The following PTAFR variants were observed in gnomAD, a reference collection of about 807,000 sequenced individuals.
PTAFR encodes the protein platelet-activating factor receptor.
Under a neutral mutation model 14.7 loss-of-function variants are expected in PTAFR, and 8 were observed. The observed-to-expected ratio is 0.54, with a 90% CI of 0.32 to 0.98. The LOEUF (loss-of-function observed/expected upper bound fraction) is 0.98, where lower values mean the gene tolerates loss of function less well. PTAFR is among the 50% of genes least tolerant of loss of function. The pLI is 0.04. For synonymous variants in PTAFR, 156 were observed against 176.5 expected (o/e 0.88, Z 0.92); for missense variants, 337 against 451.2 (o/e 0.75, Z 2.29).
At chr1:28,178,810 G>A (rs6693548), upstream of PTAFR, among the ~76,000 whole-genome samples, 175 of 151,832 alleles carry the variant, frequency 1.2e-3, no homozygotes, top group African/African-American at 3.9e-3. Flanking sequence ...CTCCTTCCTC[G>A]AGTTCATGCG....
intron 1 of PTAFR, among the ~76,000 whole-genome samples, chr1:28,169,788 T>C (rs1646431939): frequency 6.6e-6 from 1 of 152,028 alleles, no homozygotes; most frequent in Admixed American, 6.5e-5. Flanking sequence ...TCACTTGAGG[T>C]AAGGAGTTCG....
At chr1:28,156,391 C>A (rs1358990406) in intron 1 of PTAFR, among the ~76,000 whole-genome samples, 2 of 152,158 alleles carry the variant, frequency 1.3e-5, no homozygotes, top group Non-Finnish European at 2.9e-5. Flanking sequence ...AGCCTAAGTG[C>A]AAAAGCAGAT....
rs375823102 is a variant in PTAFR, at chr1:28,157,660, CCTCT to C, written c.-38-6605_-38-6602del. Among the ~76,000 whole-genome samples, 913 of 146,324 alleles carry C rather than the reference CCTCT, an allele frequency of 6.2e-3. 9 individuals are homozygous for C. The highest frequency in any genetic ancestry group is 0.02 in the African/African-American group (771 of 39,528). Reference sequence around the variant, plus strand: ...TTTTTTTTTTTTGAGGTGGAGTCTCCCTCTGTCACCCAGGCTGGAGTGCAGTGGC... The same window carrying C: ...TTTTTTTTTTTTGAGGTGGAGTCTCCGTCACCCAGGCTGGAGTGCAGTGGC... On this transcript the variant is annotated intron_variant, in intron 1 of 1. Transcript: ENST00000373857.
chr1:28,151,304 C>T, intron 1 of PTAFR, among the ~76,000 whole-genome samples: 1 of 152,024 alleles, frequency 6.6e-6, no homozygotes, highest in African/African-American at 2.4e-5. Flanking sequence ...CTCAGCCTCC[C>T]AAGTAGCTGG....
At position 28,148,628 on chromosome 1, in the gene PTAFR, AT is replaced by A. The variant is rs1375799611; in HGVS notation, c.*1364del. On this transcript the variant is annotated 3_prime_UTR_variant, in exon 2 of 2. Coordinates refer to ENST00000373857, the MANE Select transcript of PTAFR (RefSeq NM_000952.5). ...AGGCATGCGCCACCACGCCAGGCTA[AT>A]TTTTTTGTATTTTTAGTAGAGACGG... The A allele has an allele frequency of 1.3e-5, 2 of 152,216 alleles. No individual in the cohort carries two copies. Among genetic ancestry groups the A allele is most frequent in the Non-Finnish European group, 2.9e-5 (2 of 68,114 alleles). The allele number at this position is 152,216 out of a possible 1,614,324, so 9.4% of individuals were successfully genotyped here.
intron 1 of PTAFR, among the ~76,000 whole-genome samples, chr1:28,165,242 T>G (rs1040328047): frequency 2.7e-5 from 4 of 150,924 alleles, no homozygotes; most frequent in African/African-American, 9.7e-5. Flanking sequence ...CCATCTCTAC[T>G]AAAAATACAA....
chr1:28,149,675 G>A lies in PTAFR; in HGVS notation c.*318C>T. 1 of 317,012 alleles carries A rather than the reference G, an allele frequency of 3.2e-6. No homozygotes were observed. The allele number at this position is 317,012 out of a possible 1,614,324, so 19.6% of individuals were successfully genotyped here. On this transcript the variant is annotated 3_prime_UTR_variant, in exon 2 of 2. Coordinates refer to ENST00000373857, the MANE Select transcript of PTAFR (RefSeq NM_000952.5). The stretch of plus-strand genomic sequence containing the variant: ...ATGCCCCATCGGGGAGAACTAGGTG[G>A]TTTAAAGTCTTCCCCCAAGGTCTGC...
chr1:28,168,107 C>T lies in PTAFR; in HGVS notation c.-39+8485G>A, dbSNP rs962940168. Among the ~76,000 whole-genome samples, 9 of 150,290 alleles carry T rather than the reference C, an allele frequency of 6.0e-5. No individual in the cohort carries two copies. In the East Asian group the frequency reaches 7.8e-4, roughly 13 times the overall value. On this transcript the variant is annotated intron_variant, in intron 1 of 1. Coordinates refer to ENST00000373857, the MANE Select transcript of PTAFR (RefSeq NM_000952.5). ...CCGAGTAGCTGGGACTACAGGTGCC[C>T]GCCACCACACCCGGCTAATTTTTTT...
intron 1 of PTAFR, among the ~76,000 whole-genome samples, chr1:28,165,743 A>C (rs1646378634): frequency 6.6e-6 from 1 of 152,142 alleles, no homozygotes; most frequent in South Asian, 2.1e-4. Flanking sequence ...AGATCGTGCC[A>C]CTGCACTCCA....
In PTAFR at chr1:28,149,325, CTTTTTTTTTTTTTT is replaced by C. The variant is rs34668678; in HGVS notation, c.*654_*667del. On this transcript the variant is annotated 3_prime_UTR_variant, in exon 2 of 2. Coordinates refer to ENST00000373857, the MANE Select transcript of PTAFR (RefSeq NM_000952.5). ...ATCACTTGAGAGTAGTTGCCCAAAG[CTTTTTTTTTTTTTT>C]TTTTTTTTTTTTTGAGATGGAATCT... The C allele has an allele frequency of 1.4e-5, 1 of 69,554 alleles. No homozygotes were observed. The highest frequency in any genetic ancestry group is 6.7e-5 in the African/African-American group (1 of 14,952). The allele number at this position is 69,554 out of a possible 1,614,324, so 4.3% of individuals were successfully genotyped here.
intron 1 of PTAFR, among the ~76,000 whole-genome samples, chr1:28,166,543 T>G (rs1057118825): frequency 6.6e-6 from 1 of 151,740 alleles, no homozygotes; most frequent in East Asian, 1.9e-4. Flanking sequence ...TGATGGCGGG[T>G]GCCTGTAATC....
At chr1:28,181,567 A>G (rs1004439393), upstream of PTAFR, among the ~76,000 whole-genome samples, 1 of 152,002 alleles carries the variant, frequency 6.6e-6, no homozygotes, top group Admixed American at 6.6e-5. Flanking sequence ...AACATGGAGA[A>G]ACCCCGTCTC....
intron 1 of PTAFR, among the ~76,000 whole-genome samples, chr1:28,183,498 C>T (rs976143702): frequency 6.6e-6 from 1 of 152,204 alleles, no homozygotes; most frequent in Non-Finnish European, 1.5e-5. Context: ...CATGGCAGTG[C>T]ATGCCTGTAG....
At chr1:28,179,573 T>C (rs1319031854), upstream of PTAFR, among the ~76,000 whole-genome samples, 2 of 152,084 alleles carry the variant, frequency 1.3e-5, no homozygotes, top group African/African-American at 4.8e-5. Flanking sequence ...CCCAGCACTT[T>C]GGGATGCTGA....
In PTAFR at chr1:28,149,747, G is replaced by A. The variant is rs1350759341; in HGVS notation, c.*246C>T. On this transcript the variant is annotated 3_prime_UTR_variant, in exon 2 of 2. Coordinates refer to ENST00000373857, the MANE Select transcript of PTAFR (RefSeq NM_000952.5). ...CGGCCCCATAAGATTAAGGGACTCAGGATAAAGTCATCAGTCACAGTTACT... is the reference window on the plus strand; with the variant it reads ...CGGCCCCATAAGATTAAGGGACTCAAGATAAAGTCATCAGTCACAGTTACT... 1.4e-5 allele frequency: 7 copies of A among 510,690 alleles called. 1 individual carries two copies. The highest frequency in any genetic ancestry group is 1.1e-3 in the Middle Eastern group (2 of 1,886). The allele number at this position is 510,690 out of a possible 1,614,324, so 31.6% of individuals were successfully genotyped here.
intron 1 of PTAFR, among the ~76,000 whole-genome samples, chr1:28,157,387 G>A (rs891678592): frequency 2.0e-5 from 3 of 152,062 alleles, no homozygotes; most frequent in African/African-American, 7.2e-5. Context: ...GGCTGGTCTC[G>A]AACTCCTGAC....
At chr1:28,163,703 C>G (rs912101929) in intron 1 of PTAFR, among the ~76,000 whole-genome samples, 3 of 152,218 alleles carry the variant, frequency 2.0e-5, no homozygotes, top group African/African-American at 7.2e-5. Context: ...AATGACCAAG[C>G]CTCCCTCTCC....
chr1:28,185,479 C>T (rs1181574053), intron 1 of PTAFR, among the ~76,000 whole-genome samples: 1 of 152,154 alleles, frequency 6.6e-6, no homozygotes, highest in African/African-American at 2.4e-5. Flanking sequence ...CTTTTCTCAT[C>T]AGCAAATGGA....
intron 1 of PTAFR, among the ~76,000 whole-genome samples, chr1:28,182,739 G>A (rs749700101): frequency 6.6e-5 from 10 of 152,032 alleles, no homozygotes; most frequent in African/African-American, 9.7e-5. Context: ...GGAGCGCAAC[G>A]GCACGATCTC....
Sources: gnomAD v4.1 joint callset for allele counts (sites outside exome capture counted in the v4.1 genomes callset) on GRCh38, gnomAD v4.1.1 for gene constraint, MANE v1.5 for transcripts, NCBI Gene and HGNC (gene_info 2026-07-23, HGNC 2026-07-21) for gene names.